ZBTB38: variants seen among roughly 807,000 people sequenced by gnomAD.
The protein encoded by ZBTB38 is zinc finger and BTB domain containing 38, also known as zinc finger and BTB domain-containing protein 38.
A neutral mutation model predicts 76.8 loss-of-function variants in ZBTB38; 20 were observed. That is an observed-to-expected ratio of 0.26 (90% CI 0.18 to 0.38). The LOEUF is 0.38. ZBTB38 is among the 10% of genes least tolerant of loss of function. The pLI is 1.00. For synonymous variants in ZBTB38, 504 were observed against 544.2 expected (o/e 0.93, Z 1.03); for missense variants, 1,082 against 1,482.3 (o/e 0.73, Z 4.43).
chr3:141,422,619 C>T lies in ZBTB38; in HGVS notation c.-1+18588C>T, dbSNP rs372411508. Among the ~76,000 whole-genome samples, 6 of 152,194 alleles carry T rather than the reference C, an allele frequency of 3.9e-5. No individual in the cohort carries two copies. The South Asian group carries it at 6.2e-4, about 16-fold the overall frequency. ...GATTTGCTCAATCTCTTTACTTGGACGGGAAGGGGCAACGTTTAGGCCTAT... is the reference window on the plus strand; with the variant it reads ...GATTTGCTCAATCTCTTTACTTGGATGGGAAGGGGCAACGTTTAGGCCTAT... On this transcript the variant is annotated intron_variant, in intron 5 of 5. Transcript: ENST00000321464.
At position 141,442,920 on chromosome 3, in the gene ZBTB38, A is replaced by C. The variant is rs2080549502; in HGVS notation, c.532A>C (p.Asn178His). 1.2e-6 allele frequency: 2 copies of C among 1,614,250 alleles called. No individual in the cohort carries two copies. The highest frequency in any genetic ancestry group is 1.7e-6 in the Non-Finnish European group (2 of 1,180,048). The change falls in exon 6 of 6, where the codon AAC (asparagine) becomes CAC (histidine). Residue 178 changes from asparagine to histidine, a missense_variant. Around this residue, in one of 8 missense-constraint regions of ZBTB38, gnomAD observed 324 missense variants for 359.1 expected, o/e 0.90. Transcript: ENST00000321464. This position sits in a 1 kb window ranked among gnomAD's most constrained non-coding sequence, Gnocchi z 6.4. ...FSIIETENSN[N>H]MFSPLDLRAS... ...CATCATCGAAACAGAAAATAGTAAT[A>C]ACATGTTTTCCCCGCTGGACTTGAG...
chr3:141,353,503 T>A (rs923050040), intron 1 of ZBTB38, among the ~76,000 whole-genome samples: 2 of 152,030 alleles, frequency 1.3e-5, no homozygotes, highest in Admixed American at 1.3e-4. Context: ...GAGAATCAAT[T>A]ACCTACCAAT....
chr3:141,393,027 A>G (rs1949344678), intron 4 of ZBTB38, among the ~76,000 whole-genome samples: 1 of 152,180 alleles, frequency 6.6e-6, no homozygotes, highest in Non-Finnish European at 1.5e-5. Flanking sequence ...TTGCTTCTGC[A>G]GCAATTCCTG....
chr3:141,380,157 G>A (rs1945991767), intron 2 of ZBTB38, among the ~76,000 whole-genome samples: 1 of 152,140 alleles, frequency 6.6e-6, no homozygotes, highest in Admixed American at 6.5e-5. Flanking sequence ...TACTCTCTTT[G>A]AACCTAATTT....
chr3:141,426,054 A>G, intron 5 of ZBTB38: 2 of 1,035,672 alleles, frequency 1.9e-6, no homozygotes, highest in Non-Finnish European at 2.6e-6. Flanking sequence ...CCTCCTGTCA[A>G]ATGATGTCAC....
intron 1 of ZBTB38, among the ~76,000 whole-genome samples, chr3:141,360,893 C>G (rs1008310826): frequency 6.6e-6 from 1 of 152,218 alleles, no homozygotes; most frequent in Non-Finnish European, 1.5e-5. Context: ...AATCACTGCT[C>G]TTGTCCTCAG....
At chr3:141,360,702 T>C (rs1222077612) in intron 1 of ZBTB38, among the ~76,000 whole-genome samples, 1 of 152,172 alleles carries the variant, frequency 6.6e-6, no homozygotes, top group Non-Finnish European at 1.5e-5. Flanking sequence ...ACCTCGGCAC[T>C]ATCGACTTAC....
At chr3:141,440,650 T>C (rs944940496) in intron 5 of ZBTB38, among the ~76,000 whole-genome samples, 1 of 152,184 alleles carries the variant, frequency 6.6e-6, no homozygotes, top group African/African-American at 2.4e-5. Flanking sequence ...TTTTTTTGTG[T>C]GTGTGTTTTG....
chr3:141,432,148 G>A (rs6789653), intron 5 of ZBTB38: 316,308 of 985,264 alleles, frequency 0.32, 53,391 homozygotes, highest in Non-Finnish European at 0.35. Context: ...AAAACTTTCC[G>A]CAGGGAATAA....
At chr3:141,351,265 A>G (rs923119716) in intron 1 of ZBTB38, among the ~76,000 whole-genome samples, 1 of 152,222 alleles carries the variant, frequency 6.6e-6, no homozygotes, top group Admixed American at 6.5e-5. Context: ...TGGTACAACC[A>G]TGTTTTATGA....
rs371143747 is a variant in ZBTB38, at chr3:141,445,806, C to T, written c.3418C>T (p.Leu1140Phe). 1.9e-6 allele frequency: 3 copies of T among 1,614,092 alleles called. No homozygotes were observed. In the African/African-American group the frequency reaches 4.0e-5, roughly 22 times the overall value. The change falls in exon 6 of 6, where the codon CTT (leucine) becomes TTT (phenylalanine). Residue 1140 changes from leucine to phenylalanine, a missense_variant. By Grantham distance (22) the Leu-to-Phe change is conservative (BLOSUM62 0). Around this residue, in one of 8 missense-constraint regions of ZBTB38, gnomAD observed 69 missense variants for 148.2 expected, o/e 0.47. Coordinates refer to ENST00000321464, the MANE Select transcript of ZBTB38 (RefSeq NM_001376113.1). The surrounding 1 kb of genome is among the most constrained non-coding windows in gnomAD (Gnocchi z 6.5). Reference sequence around the variant, plus strand: ...CAAAATTTGCAAAACAGCTGCTGCCCTTGGAATGCACCAAAAGAAACACTT... The same window carrying T: ...CAAAATTTGCAAAACAGCTGCTGCCTTTGGAATGCACCAAAAGAAACACTT... ...CPKICKTAAALGMHQKKHLFK... is the reference protein window; with the variant it reads ...CPKICKTAAAFGMHQKKHLFK...
chr3:141,350,986 C>G (rs1438475862), intron 1 of ZBTB38, among the ~76,000 whole-genome samples: 1 of 152,142 alleles, frequency 6.6e-6, no homozygotes, highest in Non-Finnish European at 1.5e-5. Flanking sequence ...CTGGAGAAGA[C>G]AGTTCACCAT....
At chr3:141,331,486 G>T (rs538414420) in intron 1 of ZBTB38, among the ~76,000 whole-genome samples, 1 of 152,298 alleles carries the variant, frequency 6.6e-6, no homozygotes, top group South Asian at 2.1e-4. Flanking sequence ...GCTTTCACCT[G>T]TACAGCACTG....
chr3:141,392,016 G>A (rs554673938), intron 4 of ZBTB38, among the ~76,000 whole-genome samples: 7 of 152,232 alleles, frequency 4.6e-5, no homozygotes, highest in African/African-American at 1.4e-4. Context: ...TGTTGACAAA[G>A]GTCAGGGAAC....
At chr3:141,403,136 C>T (rs1304768647) in intron 4 of ZBTB38, 1 of 152,250 alleles carries the variant, frequency 6.6e-6, no homozygotes, top group Non-Finnish European at 1.5e-5. Context: ...CACTTTATAA[C>T]TCCTGCACTG....
At chr3:141,381,101 C>T (rs185115335) in intron 2 of ZBTB38, among the ~76,000 whole-genome samples, 2 of 152,312 alleles carry the variant, frequency 1.3e-5, no homozygotes, top group East Asian at 1.9e-4. Context: ...ACTTGCTCTC[C>T]ATCTGGTGCG....
intron 4 of ZBTB38, among the ~76,000 whole-genome samples, chr3:141,391,922 GT>G (rs796757838): frequency 9.6e-4 from 146 of 151,926 alleles, no homozygotes; most frequent in African/African-American, 3.3e-3. Context: ...AACTAGTGAG[GT>G]TTTTTTTCCT....
At chr3:141,390,695 G>A (rs893098437) in intron 4 of ZBTB38, among the ~76,000 whole-genome samples, 1 of 152,156 alleles carries the variant, frequency 6.6e-6, no homozygotes, top group Admixed American at 6.5e-5. Context: ...GGGAAATCCT[G>A]TTCTTAACAG....
chr3:141,327,598 G>T (rs1169948858), intron 1 of ZBTB38, among the ~76,000 whole-genome samples: 1 of 152,226 alleles, frequency 6.6e-6, no homozygotes, highest in Admixed American at 6.5e-5. Flanking sequence ...CAACCAGATG[G>T]AATGTGGTCA....
Sources: allele counts gnomAD v4.1 joint callset (sites outside exome capture counted in the v4.1 genomes callset), GRCh38; gene constraint gnomAD v4.1.1; regional missense constraint gnomAD v4.1.1; non-coding constraint Gnocchi (gnomAD v3.1); transcripts MANE v1.5; gene names NCBI Gene and HGNC (gene_info 2026-07-23, HGNC 2026-07-21).